The following ATRNL1 variants were observed in gnomAD, a reference collection of about 807,000 sequenced individuals.
The protein encoded by ATRNL1 is attractin-like protein 1.
A neutral mutation model predicts 182.7 loss-of-function variants in ATRNL1; 95 were observed. The ratio of observed to expected loss-of-function variants is 0.52; its 90% confidence interval spans 0.44 to 0.62. The LOEUF is 0.62. ATRNL1 is among the 20% of genes least tolerant of loss of function. The pLI is 0.00. For missense variants in ATRNL1, 1,471 were observed against 1,679.5 expected (o/e 0.88, Z 2.17); for synonymous variants, 576 against 568.3 (o/e 1.01, Z -0.19).
intron 25 of ATRNL1, among the ~76,000 whole-genome samples, chr10:115,540,959 T>A (rs1852327227): frequency 1.3e-5 from 2 of 151,980 alleles, no homozygotes; most frequent in South Asian, 4.2e-4. Flanking sequence ...GGAGGAAAGG[T>A]AAAAACAATG....
At chr10:115,114,465 G>A (rs1403628491) in intron 1 of ATRNL1, among the ~76,000 whole-genome samples, 15 of 152,104 alleles carry the variant, frequency 9.9e-5, no homozygotes, top group Admixed American at 9.8e-4. Context: ...TACACATTGA[G>A]AGAAAATATT....
At chr10:115,589,774 A>C (rs1855794690) in intron 26 of ATRNL1, among the ~76,000 whole-genome samples, 1 of 152,214 alleles carries the variant, frequency 6.6e-6, no homozygotes, top group African/African-American at 2.4e-5. Context: ...TTTTCCCAAA[A>C]GTCTTTTGGA....
intron 28 of ATRNL1, among the ~76,000 whole-genome samples, chr10:115,877,503 A>T (rs143960882): frequency 9.8e-5 from 15 of 152,308 alleles, no homozygotes; most frequent in Non-Finnish European, 1.5e-5. Context: ...GGGGGTCCCT[A>T]CATATACCTA....
At chr10:115,192,273 T>C (rs1362769613) in intron 8 of ATRNL1, among the ~76,000 whole-genome samples, 3 of 152,106 alleles carry the variant, frequency 2.0e-5, no homozygotes, top group Non-Finnish European at 4.4e-5. Flanking sequence ...TATTTTCGTA[T>C]ATGGTGAGAG....
chr10:115,542,454 A>G (rs1382855393), intron 25 of ATRNL1, among the ~76,000 whole-genome samples: 2 of 152,090 alleles, frequency 1.3e-5, no homozygotes, highest in South Asian at 2.1e-4. Context: ...GATTGTGCCA[A>G]TGCCATTTAT....
intron 28 of ATRNL1, among the ~76,000 whole-genome samples, chr10:115,917,265 G>T (rs1555117553): frequency 6.6e-6 from 1 of 151,978 alleles, no homozygotes; most frequent in Admixed American, 6.6e-5. Context: ...AGGAGATCGA[G>T]ACCATCCTGG....
At chr10:115,313,461 T>C (rs533950637) in intron 17 of ATRNL1, among the ~76,000 whole-genome samples, 1 of 152,156 alleles carries the variant, frequency 6.6e-6, no homozygotes, top group Non-Finnish European at 1.5e-5. Context: ...GTTGTAGTAG[T>C]GATGTGCTCC....
At chr10:115,813,847 A>G (rs1357002575) in intron 27 of ATRNL1, among the ~76,000 whole-genome samples, 1 of 152,164 alleles carries the variant, frequency 6.6e-6, no homozygotes, top group Non-Finnish European at 1.5e-5. Flanking sequence ...TTTTTAAATA[A>G]TATTTTTTAT....
At chr10:115,738,565 G>T (rs2960652) in intron 27 of ATRNL1, among the ~76,000 whole-genome samples, 144,635 of 152,182 alleles carry the variant, frequency 0.95, 69,140 homozygotes, top group East Asian at 1. Context: ...TCATCTTTAT[G>T]TTAAAATTAT....
chr10:115,672,378 A>G (rs952054931), intron 26 of ATRNL1, among the ~76,000 whole-genome samples: 6 of 152,138 alleles, frequency 3.9e-5, no homozygotes, highest in African/African-American at 1.4e-4. Context: ...ATTCCTTTTG[A>G]AAGAACACAA....
chr10:115,543,110 A>G (rs1852452874), intron 25 of ATRNL1, among the ~76,000 whole-genome samples: 1 of 150,984 alleles, frequency 6.6e-6, no homozygotes, highest in Non-Finnish European at 1.5e-5. Context: ...TCTCTTCTTT[A>G]TACCAGTTTG....
At chr10:115,785,210 A>G (rs1293994299) in intron 27 of ATRNL1, among the ~76,000 whole-genome samples, 1 of 152,250 alleles carries the variant, frequency 6.6e-6, no homozygotes, top group Admixed American at 6.5e-5. Flanking sequence ...AGGTTTAGAC[A>G]TTCTCATTCC....
intron 8 of ATRNL1, among the ~76,000 whole-genome samples, chr10:115,197,718 G>A (rs1053326870): frequency 6.6e-6 from 1 of 152,098 alleles, no homozygotes; most frequent in African/African-American, 2.4e-5. Flanking sequence ...GGCCCTCTCT[G>A]TATAGGAAAA....
intron 28 of ATRNL1, among the ~76,000 whole-genome samples, chr10:115,893,272 C>T (rs7898613): frequency 0.015 from 2,263 of 151,928 alleles, 46 homozygotes; most frequent in African/African-American, 0.05. Context: ...AGTGGAGAGG[C>T]GGGAGTTATG....
intron 26 of ATRNL1, among the ~76,000 whole-genome samples, chr10:115,601,932 C>T (rs1288469414): frequency 6.7e-6 from 1 of 150,208 alleles, no homozygotes; most frequent in African/African-American, 2.4e-5. Flanking sequence ...ACTTTTTCCT[C>T]ATTTCCCCCC....
intron 27 of ATRNL1, among the ~76,000 whole-genome samples, chr10:115,800,981 T>G (rs993822857): frequency 3.9e-5 from 6 of 152,362 alleles, no homozygotes; most frequent in Admixed American, 3.3e-4. Flanking sequence ...AATACAGGTC[T>G]TCTTCTCAGG....
chr10:115,217,676 C>T (rs1259394662), intron 9 of ATRNL1, among the ~76,000 whole-genome samples: 3 of 152,134 alleles, frequency 2.0e-5, no homozygotes, highest in East Asian at 1.9e-4. Flanking sequence ...ATATTATTGT[C>T]AGCCCTGGCA....
rs1045140987 is a variant in ATRNL1, at chr10:115,735,244, T to G, written c.3903+7889T>G. Among the ~76,000 whole-genome samples the G allele has an allele frequency of 2.0e-5, 3 of 152,320 alleles. No homozygotes were observed. In the East Asian group the frequency reaches 5.8e-4, roughly 29 times the overall value. ...TAATAAACTCTCTTAGTCTTTCTAT[T>G]TCCCTCTCCAGTTTCAGTATCCTCT... is the stretch of plus-strand genomic sequence containing the variant. On this transcript the variant is annotated intron_variant, in intron 27 of 28. Transcript: ENST00000355044.
intron 5 of ATRNL1, among the ~76,000 whole-genome samples, chr10:115,138,729 G>C (rs1554877290): frequency 6.6e-6 from 1 of 152,190 alleles, no homozygotes; most frequent in African/African-American, 2.4e-5. Context: ...AGGCGATGCT[G>C]TGAAGACCAC....
Sources: allele counts gnomAD v4.1 joint callset (sites outside exome capture counted in the v4.1 genomes callset), GRCh38; gene constraint gnomAD v4.1.1; transcripts MANE v1.5; gene names NCBI Gene and HGNC (gene_info 2026-07-23, HGNC 2026-07-21).